SYNE2: variants seen among roughly 807,000 people sequenced by gnomAD.
SYNE2 encodes the protein nesprin-2.
A neutral mutation model predicts 856.3 loss-of-function variants in SYNE2; 431 were observed. The observed-to-expected ratio is 0.50, with a 90% CI of 0.47 to 0.55. SYNE2 has a LOEUF of 0.55. Ranked by LOEUF, SYNE2 falls within the 20% of genes least tolerant of loss-of-function variation. The probability of loss-of-function intolerance (pLI) is 0.00; values close to 1 mark genes in which losing one functional copy is unlikely to be tolerated. For synonymous variants in SYNE2, 2,923 were observed against 2,872.3 expected, an observed-to-expected ratio of 1.02 and a Z score of -0.56; for missense variants, 8,129 against 8,023.2, an observed-to-expected ratio of 1.01 and a Z score of -0.50.
At position 63,961,624 on chromosome 14, in the gene SYNE2, A is replaced by T; in HGVS notation, c.887A>T (p.Gln296Leu). 6.2e-7 allele frequency: 1 copy of T among 1,610,442 alleles called. No homozygotes were observed. Among genetic ancestry groups the T allele is most frequent in the South Asian group, 1.1e-5 (1 of 90,934 alleles). The change falls in exon 9 of 116, where the codon CAG (glutamine) becomes CTG (leucine). Residue 296 changes from glutamine to leucine, a missense_variant and splice_region_variant. This residue lies in a region of SYNE2 where 2,422 missense variants were observed against 2,357.4 expected (regional missense o/e 1.03). Transcript: ENST00000555002. ...GCCCCTGGGACTGGAGAGGAGGCTC[A>T]GGTATGTTTTCATATGCATAAATCA... ...KDAPGTGEEA[Q>L]GKVKDAMGWL... is the part of the protein sequence containing the mutation.
At chr14:63,908,153 G>A (rs920731316) in intron 1 of SYNE2, among the ~76,000 whole-genome samples, 8 of 151,814 alleles carry the variant, frequency 5.3e-5, no homozygotes, top group East Asian at 1.9e-4. Context: ...GTTCCACGCC[G>A]CCCCCTCCCC....
At chr14:63,852,660 C>T (rs1566611107), upstream of SYNE2, among the ~76,000 whole-genome samples, 1 of 152,190 alleles carries the variant, frequency 6.6e-6, no homozygotes, top group Non-Finnish European at 1.5e-5. Context: ...ACTTCCAAGA[C>T]CCAGGAATCT....
intron 96 of SYNE2, among the ~76,000 whole-genome samples, chr14:64,180,225 T>G (rs1422490768): frequency 1.3e-5 from 2 of 152,242 alleles, no homozygotes; most frequent in Non-Finnish European, 2.9e-5. Flanking sequence ...ACTGTCTTGA[T>G]TACTGCACTT....
chr14:64,220,623 C>G lies in SYNE2; in HGVS notation c.20047C>G (p.Leu6683Val). ...CTGGAGAGGGGGCTTACGACAGTCG[C>G]TCATGCAGTGCCAGGTACGCTGACT... ...DSWRGGLRQS[L>V]MQCQDFHQLS... The change falls in exon 111 of 116, where the codon CTC becomes GTC. Residue 6683 changes from leucine (L) to valine (V), a missense_variant. Around this residue, in one of 3 missense-constraint regions of SYNE2, gnomAD observed 5,410 missense variants for 5,284.8 expected, o/e 1.02. Transcript: ENST00000555002. The G allele has an allele frequency of 6.2e-7, 1 of 1,613,968 alleles. No homozygotes were observed. The highest frequency in any genetic ancestry group is 8.5e-7 in the Non-Finnish European group (1 of 1,180,020).
intron 1 of SYNE2, among the ~76,000 whole-genome samples, chr14:63,898,858 CA>C (rs1288465648): frequency 6.6e-6 from 1 of 152,104 alleles, no homozygotes. Flanking sequence ...AAACTTTGTT[CA>C]ATATACATAT....
intron 1 of SYNE2, among the ~76,000 whole-genome samples, chr14:63,885,044 C>T (rs913420288): frequency 2.6e-5 from 4 of 152,222 alleles, no homozygotes; most frequent in South Asian, 2.1e-4. Context: ...AAGAAAGACT[C>T]GGTGCCCAGC....
At chr14:63,862,401 G>A (rs998195008) in intron 1 of SYNE2, among the ~76,000 whole-genome samples, 1 of 150,520 alleles carries the variant, frequency 6.6e-6, no homozygotes, top group South Asian at 2.1e-4. Flanking sequence ...CTCCAGCCTC[G>A]TGTTTTGATA....
At chr14:64,018,865 AAAC>A (rs1295034041) in intron 34 of SYNE2, among the ~76,000 whole-genome samples, 3 of 152,234 alleles carry the variant, frequency 2.0e-5, no homozygotes, top group Non-Finnish European at 4.4e-5. Flanking sequence ...CTACTTTTTA[AAAC>A]AACAGTCTCA....
intron 8 of SYNE2, among the ~76,000 whole-genome samples, chr14:63,959,828 C>T (rs1438034907): frequency 1.3e-5 from 2 of 151,882 alleles, no homozygotes; most frequent in African/African-American, 4.8e-5. Context: ...TTATGATTCT[C>T]CAAATCTTTA....
intron 76 of SYNE2, 95 bp from the exon 77 acceptor site, chr14:64,132,170 A>G (rs1567403011): frequency 9.6e-6 from 14 of 1,464,332 alleles, no homozygotes; most frequent in Admixed American, 7.2e-5. Context: ...TTTTGGATTT[A>G]AAACAAAAAT....
intron 96 of SYNE2, among the ~76,000 whole-genome samples, chr14:64,185,222 A>G (rs1157689921): frequency 3.9e-5 from 6 of 152,198 alleles, no homozygotes; most frequent in Non-Finnish European, 8.8e-5. Flanking sequence ...TGATCATGCC[A>G]CTGTAGTCTA....
At chr14:63,880,384 G>C (rs914588537) in intron 1 of SYNE2, among the ~76,000 whole-genome samples, 2 of 152,128 alleles carry the variant, frequency 1.3e-5, no homozygotes, top group South Asian at 4.1e-4. Context: ...GAGCCACCAT[G>C]CCTGGCTGAA....
intron 50 of SYNE2, 70 bp from the exon 51 acceptor site, chr14:64,065,362 A>G: frequency 7.6e-7 from 1 of 1,316,078 alleles, no homozygotes; most frequent in Non-Finnish European, 1.1e-6. Flanking sequence ...TCAGGATTTA[A>G]AAGAGTTAGT....
intron 2 of SYNE2, among the ~76,000 whole-genome samples, chr14:63,931,720 C>T (rs565413742): frequency 6.6e-6 from 1 of 151,902 alleles, no homozygotes; most frequent in South Asian, 2.1e-4. Flanking sequence ...ATGTTTTTTT[C>T]TACATTACAC....
At chr14:63,793,076 T>A (rs1267850156) in intron 1 of SYNE2, among the ~76,000 whole-genome samples, 1 of 152,196 alleles carries the variant, frequency 6.6e-6, no homozygotes, top group Non-Finnish European at 1.5e-5. Context: ...TGTTGTTTTT[T>A]GGAGAAGAGG....
chr14:64,013,758 T>C (rs1413357746), intron 32 of SYNE2, among the ~76,000 whole-genome samples: 2 of 152,198 alleles, frequency 1.3e-5, no homozygotes, highest in South Asian at 4.1e-4. Context: ...TCCCCAGTTA[T>C]TGATTTTTCA....
chr14:64,108,116 A>G (rs751731035), intron 65 of SYNE2, among the ~76,000 whole-genome samples: 8 of 152,184 alleles, frequency 5.3e-5, no homozygotes, highest in Middle Eastern at 3.2e-3. Context: ...TGGGAGGCCA[A>G]TGCAGGTGGA....
intron 2 of SYNE2, among the ~76,000 whole-genome samples, chr14:63,935,701 A>T (rs1298387264): frequency 6.6e-6 from 1 of 152,202 alleles, no homozygotes; most frequent in Non-Finnish European, 1.5e-5. Context: ...AAATATAACA[A>T]CCACAGTGAT....
chr14:63,780,971 A>C (rs1253180290), intron 1 of SYNE2, among the ~76,000 whole-genome samples: 1 of 152,004 alleles, frequency 6.6e-6, no homozygotes, highest in Non-Finnish European at 1.5e-5. Context: ...TTAGTTGTTA[A>C]ATGATACCCT....
Sources: allele counts gnomAD v4.1 joint callset (sites outside exome capture counted in the v4.1 genomes callset), GRCh38; gene constraint gnomAD v4.1.1; regional missense constraint gnomAD v4.1.1; transcripts MANE v1.5; gene names NCBI Gene and HGNC (gene_info 2026-07-23, HGNC 2026-07-21).